The following DPY19L2 variants were observed in gnomAD, a reference collection of about 807,000 sequenced individuals.
The protein encoded by DPY19L2 is dpy-19 like 2.
DPY19L2 carries 34 observed loss-of-function variants against 97.9 expected under a neutral mutation model. The ratio of observed to expected loss-of-function variants is 0.35; its 90% CI spans 0.26 to 0.46. The LOEUF (loss-of-function observed/expected upper bound fraction) is 0.46. Ranked by LOEUF, DPY19L2 falls within the 20% of genes least tolerant of loss-of-function variation. The pLI, the probability that DPY19L2 is intolerant of heterozygous loss-of-function variation, is 1.00. For synonymous variants in DPY19L2, 230 were observed against 307.9 expected, an observed-to-expected ratio of 0.75 and a Z score of 2.65; for missense variants, 623 against 911.4, an observed-to-expected ratio of 0.68 and a Z score of 4.07.
chr12:63,592,191 G>C (rs1251830137), intron 16 of DPY19L2, among the ~76,000 whole-genome samples: 4 of 151,030 alleles, frequency 2.6e-5, no homozygotes, highest in South Asian at 2.1e-4. Context: ...GGAAGGGAGG[G>C]AGGGAGGAAT....
chr12:63,585,532 C>T (rs962443805), intron 16 of DPY19L2, among the ~76,000 whole-genome samples: 2 of 152,034 alleles, frequency 1.3e-5, no homozygotes, highest in Non-Finnish European at 2.9e-5. Flanking sequence ...CCTGTGTATG[C>T]AGTTAACGGA....
intron 20 of DPY19L2, 196 bp from the exon 21 acceptor site, chr12:63,569,545 C>A: frequency 2.5e-6 from 1 of 393,872 alleles, no homozygotes; most frequent in Non-Finnish European, 4.8e-6. Flanking sequence ...ATAAAACTTA[C>A]AGCAATTTAA....
chr12:63,583,924 A>AT, intron 16 of DPY19L2, 88 bp from the exon 17 acceptor site: 1 of 1,127,706 alleles, frequency 8.9e-7, no homozygotes, highest in Non-Finnish European at 1.3e-6. Flanking sequence ...TTGATCTTAG[A>AT]TTTTTAAAAT....
intron 16 of DPY19L2, among the ~76,000 whole-genome samples, chr12:63,589,032 C>T (rs1182209320): frequency 2.0e-5 from 3 of 151,782 alleles, no homozygotes; most frequent in East Asian, 1.9e-4. Context: ...GTATTACAGG[C>T]GTGAGCCACC....
intron 20 of DPY19L2, among the ~76,000 whole-genome samples, chr12:63,569,730 A>G (rs1878446694): frequency 6.6e-6 from 1 of 152,162 alleles, no homozygotes. Flanking sequence ...TCATCTAAAG[A>G]AGCTCTGACA....
At position 63,636,689 on chromosome 12, in the gene DPY19L2, G is replaced by A. The variant is rs1273033507; in HGVS notation, c.803+7714C>T. Among the ~76,000 whole-genome samples the A allele has an allele frequency of 2.6e-5, 4 of 152,142 alleles. No homozygotes were observed. In the East Asian group the frequency reaches 7.7e-4, roughly 29 times the overall value. On this transcript the variant is annotated intron_variant, in intron 6 of 21. Transcript: ENST00000324472. ...AACAAAGATAAAAAGAGACAAAGAA[G>A]GCCATTACATAATGGTAAAGGGATC...
intron 21 of DPY19L2, among the ~76,000 whole-genome samples, chr12:63,566,242 T>C (rs972129723): frequency 6.6e-6 from 1 of 152,066 alleles, no homozygotes; most frequent in African/African-American, 2.4e-5. Context: ...AAAAAAACTT[T>C]TTATTTCAAG....
intron 9 of DPY19L2, among the ~76,000 whole-genome samples, chr12:63,619,731 C>T (rs1340030661): frequency 2.6e-5 from 4 of 152,064 alleles, no homozygotes; most frequent in African/African-American, 9.7e-5. Context: ...TCTTGAACTC[C>T]TGACCTCAAG....
intron 2 of DPY19L2, 130 bp from the exon 3 acceptor site, chr12:63,663,975 T>C: frequency 1.6e-6 from 1 of 640,284 alleles, no homozygotes; most frequent in Admixed American, 3.2e-5. Flanking sequence ...GCTTACTAAC[T>C]TGTATGTTTT....
At chr12:63,620,870 A>C (rs1888581700) in intron 9 of DPY19L2, among the ~76,000 whole-genome samples, 1 of 152,152 alleles carries the variant, frequency 6.6e-6, no homozygotes, top group Non-Finnish European at 1.5e-5. Context: ...ACGGAATACT[A>C]TGCAGCCATA....
At chr12:63,571,154 G>A (rs184335975) in intron 19 of DPY19L2, among the ~76,000 whole-genome samples, 104 of 152,186 alleles carry the variant, frequency 6.8e-4, no homozygotes, top group Admixed American at 4.7e-3. Context: ...TCTACAAACT[G>A]AGCATGTGAG....
chr12:63,587,876 C>G (rs1340592735), intron 16 of DPY19L2, among the ~76,000 whole-genome samples: 1 of 152,028 alleles, frequency 6.6e-6, no homozygotes, highest in Admixed American at 6.6e-5. Context: ...CGGCCTAAAA[C>G]TAGTTAGACA....
intron 6 of DPY19L2, among the ~76,000 whole-genome samples, chr12:63,631,364 A>C (rs1229137896): frequency 6.6e-6 from 1 of 152,150 alleles, no homozygotes; most frequent in Non-Finnish European, 1.5e-5. Flanking sequence ...AGACGCAATA[A>C]AAAATGATAA....
chr12:63,625,947 T>C (rs28580592), intron 7 of DPY19L2, among the ~76,000 whole-genome samples: 1 of 144,136 alleles, frequency 6.9e-6, no homozygotes, highest in Admixed American at 6.9e-5. Flanking sequence ...TATATATATA[T>C]AATATATAAG....
In DPY19L2 at chr12:63,654,154, AC is replaced by A. The variant is rs370096747; in HGVS notation, c.589-6790del. Among the ~76,000 whole-genome samples the A allele has an allele frequency of 4.9e-4, 74 of 152,236 alleles. 1 individual carries two copies. In the East Asian group the frequency reaches 9.3e-3, roughly 19 times the overall value. On this transcript the variant is annotated intron_variant, in intron 4 of 21. Transcript: ENST00000324472. ...ACATCAAAGAGGAAGAAATAAAAAA[AC>A]ATGGATAAAATAAAACAGGCTTTCA...
At chr12:63,591,226 C>T (rs1882851328) in intron 16 of DPY19L2, 4 of 332,448 alleles carry the variant, frequency 1.2e-5, no homozygotes, top group Admixed American at 9.0e-5. Flanking sequence ...CAACCATACA[C>T]AGCTGTTTAT....
chr12:63,667,160 T>A, intron 1 of DPY19L2, among the ~76,000 whole-genome samples: 1 of 152,152 alleles, frequency 6.6e-6, no homozygotes, highest in Non-Finnish European at 1.5e-5. Flanking sequence ...AAACTTTAAA[T>A]GGTTGTAAAG....
intron 16 of DPY19L2, chr12:63,591,105 A>G (rs1415837447): frequency 2.2e-6 from 1 of 455,878 alleles, no homozygotes; most frequent in Admixed American, 2.3e-5. Flanking sequence ...ATGCCAAGAC[A>G]CATTTCCCTG....
At chr12:63,635,849 A>C (rs1256430730) in intron 6 of DPY19L2, among the ~76,000 whole-genome samples, 1 of 152,152 alleles carries the variant, frequency 6.6e-6, no homozygotes, top group Non-Finnish European at 1.5e-5. Flanking sequence ...ATTGGAAAAC[A>C]CTCTTGAAGA....
Sources: gnomAD v4.1 joint callset for allele counts (sites outside exome capture counted in the v4.1 genomes callset) on GRCh38, gnomAD v4.1.1 for gene constraint, MANE v1.5 for transcripts, NCBI Gene and HGNC (gene_info 2026-07-23, HGNC 2026-07-21) for gene names.